The following CDH18 variants were observed in gnomAD, a reference collection of about 807,000 sequenced individuals.
CDH18 encodes the protein cadherin 18.
Under a neutral mutation model 67.9 loss-of-function variants are expected in CDH18, and 31 were observed. The observed-to-expected ratio is 0.46, with a 90% CI of 0.34 to 0.62. CDH18 has a LOEUF of 0.62. Ranked by LOEUF, CDH18 falls within the 20% of genes least tolerant of loss-of-function variation. CDH18 has a pLI of 0.01. For synonymous variants in CDH18, 362 were observed against 347.2 expected, an observed-to-expected ratio of 1.04 and a Z score of -0.48; for missense variants, 890 against 975.5, an observed-to-expected ratio of 0.91 and a Z score of 1.17.
chr5:20,041,279 A>C (rs1740401013), intron 2 of CDH18, among the ~76,000 whole-genome samples: 2 of 152,286 alleles, frequency 1.3e-5, no homozygotes, highest in South Asian at 4.1e-4. Context: ...ACATCAAACA[A>C]ATCTTAAATT....
At chr5:19,857,365 C>T (rs568057245) in intron 2 of CDH18, among the ~76,000 whole-genome samples, 3 of 152,082 alleles carry the variant, frequency 2.0e-5, no homozygotes, top group African/African-American at 2.4e-5. Context: ...TTACAAGAGA[C>T]GTGACCATAG....
At chr5:20,501,693 G>A (rs1754336183) in intron 1 of CDH18, among the ~76,000 whole-genome samples, 1 of 133,172 alleles carries the variant, frequency 7.5e-6, no homozygotes, top group South Asian at 2.4e-4. Flanking sequence ...CTGCCTCCTG[G>A]CCAAACCCTA....
chr5:19,626,332 C>T (rs1309588946), intron 5 of CDH18, among the ~76,000 whole-genome samples: 1 of 152,134 alleles, frequency 6.6e-6, no homozygotes, highest in Non-Finnish European at 1.5e-5. Flanking sequence ...AAGAAGAGCA[C>T]ACAAGATGTG....
At chr5:19,617,256 A>G (rs2150128028) in intron 5 of CDH18, among the ~76,000 whole-genome samples, 1 of 152,296 alleles carries the variant, frequency 6.6e-6, no homozygotes, top group East Asian at 1.9e-4. Flanking sequence ...AATGATGTGC[A>G]TTTTTCTCAA....
chr5:19,497,053 T>C (rs955381776), intron 11 of CDH18, among the ~76,000 whole-genome samples: 2 of 151,874 alleles, frequency 1.3e-5, no homozygotes, highest in Non-Finnish European at 2.9e-5. Flanking sequence ...CATGTGACAT[T>C]CAATAAAAAA....
intron 1 of CDH18, among the ~76,000 whole-genome samples, chr5:20,525,897 G>A (rs965257324): frequency 6.6e-6 from 1 of 151,914 alleles, no homozygotes; most frequent in African/African-American, 2.4e-5. Flanking sequence ...TGACTCAAAA[G>A]TTTTTAAAGT....
At chr5:19,873,869 A>G (rs1786625897) in intron 2 of CDH18, among the ~76,000 whole-genome samples, 1 of 152,122 alleles carries the variant, frequency 6.6e-6, no homozygotes, top group South Asian at 2.1e-4. Flanking sequence ...GCAGGTTGCG[A>G]ACTCCTGAGC....
intron 2 of CDH18, among the ~76,000 whole-genome samples, chr5:19,844,525 A>C (rs552375622): frequency 6.6e-6 from 1 of 152,312 alleles, no homozygotes; most frequent in African/African-American, 2.4e-5. Flanking sequence ...TCTCTTCTAT[A>C]AATTACCCAG....
intron 8 of CDH18, among the ~76,000 whole-genome samples, chr5:19,559,948 T>G (rs1739160010): frequency 6.8e-6 from 1 of 146,702 alleles, no homozygotes; most frequent in Admixed American, 6.8e-5. Context: ...CAGGAATATA[T>G]TTAACCAAGA....
chr5:19,584,807 A>G (rs1261803948), intron 7 of CDH18, among the ~76,000 whole-genome samples: 1 of 148,462 alleles, frequency 6.7e-6, no homozygotes, highest in African/African-American at 2.5e-5. Flanking sequence ...AAAAAAAAAA[A>G]AAAAAGAAAA....
intron 2 of CDH18, among the ~76,000 whole-genome samples, chr5:19,964,047 A>G (rs75801553): frequency 0.012 from 1,851 of 152,164 alleles, 63 homozygotes; most frequent in African/African-American, 0.042. Flanking sequence ...GGGAATTACA[A>G]TTTAAGATGG....
intron 1 of CDH18, among the ~76,000 whole-genome samples, chr5:20,443,005 C>G (rs943950130): frequency 6.6e-6 from 1 of 150,830 alleles, no homozygotes; most frequent in Admixed American, 6.6e-5. Context: ...GTCAGGAGAT[C>G]GAGACCATCC....
At chr5:20,133,268 G>C (rs1466843915) in intron 2 of CDH18, among the ~76,000 whole-genome samples, 1 of 152,174 alleles carries the variant, frequency 6.6e-6, no homozygotes, top group Non-Finnish European at 1.5e-5. Flanking sequence ...CCACATGGTT[G>C]GGGAGGCCCC....
chr5:19,917,822 T>G (rs1791999164), intron 2 of CDH18, among the ~76,000 whole-genome samples: 1 of 152,152 alleles, frequency 6.6e-6, no homozygotes, highest in Admixed American at 6.6e-5. Context: ...TTGCATAACA[T>G]AATGTGGTCA....
intron 2 of CDH18, among the ~76,000 whole-genome samples, chr5:20,218,638 C>T (rs766958806): frequency 2.0e-5 from 3 of 151,798 alleles, no homozygotes; most frequent in Non-Finnish European, 4.4e-5. Context: ...GGGCAGTTTC[C>T]CCTCATATTG....
intron 1 of CDH18, among the ~76,000 whole-genome samples, chr5:20,419,290 G>A (rs897562532): frequency 1.5e-4 from 23 of 151,882 alleles, no homozygotes; most frequent in Middle Eastern, 3.4e-3. Flanking sequence ...TTTTTCTACC[G>A]AGTCTTGAGT....
At chr5:20,503,819 T>C (rs1169880582) in intron 1 of CDH18, among the ~76,000 whole-genome samples, 2 of 152,036 alleles carry the variant, frequency 1.3e-5, no homozygotes, top group Non-Finnish European at 2.9e-5. Context: ...GGGTGGATTA[T>C]CTGAGCTCAT....
At chr5:19,909,526 T>G (rs142720088) in intron 2 of CDH18, among the ~76,000 whole-genome samples, 1 of 152,192 alleles carries the variant, frequency 6.6e-6, no homozygotes, top group African/African-American at 2.4e-5. Flanking sequence ...CTCAAACTCC[T>G]GACCTCAGGT....
chr5:19,655,707 G>A (rs1756266798), intron 5 of CDH18, among the ~76,000 whole-genome samples: 1 of 151,988 alleles, frequency 6.6e-6, no homozygotes, highest in Admixed American at 6.6e-5. Context: ...CTGAATATTT[G>A]ATATAAGCCT....
Sources: allele counts gnomAD v4.1 joint callset (sites outside exome capture counted in the v4.1 genomes callset), GRCh38; gene constraint gnomAD v4.1.1; transcripts MANE v1.5; gene names NCBI Gene and HGNC (gene_info 2026-07-23, HGNC 2026-07-21).